The following DCLK1 variants were observed in gnomAD, a reference collection of about 807,000 sequenced individuals.
DCLK1 encodes doublecortin like kinase 1.
Under a neutral mutation model 86.2 loss-of-function variants are expected in DCLK1, and 16 were observed. The observed-to-expected ratio is 0.19, with a 90% CI of 0.13 to 0.28. The LOEUF is 0.28. Ranked by LOEUF, DCLK1 falls within the 10% of genes least tolerant of loss-of-function variation. The probability of loss-of-function intolerance (pLI) is 1.00; values close to 1 mark genes in which losing one functional copy is unlikely to be tolerated. For synonymous variants in DCLK1, 369 were observed against 370.5 expected (o/e 1.00, Z 0.05); for missense variants, 590 against 940.2 (o/e 0.63, Z 4.87).
chr13:35,826,000 G>A (rs1360611065), intron 10 of DCLK1, among the ~76,000 whole-genome samples: 3 of 151,674 alleles, frequency 2.0e-5, no homozygotes, highest in Non-Finnish European at 4.4e-5. Flanking sequence ...TTTTAGTAGA[G>A]ACGGGGTTTC....
intron 3 of DCLK1, among the ~76,000 whole-genome samples, chr13:36,027,051 C>A (rs963179296): frequency 3.3e-5 from 5 of 151,960 alleles, no homozygotes; most frequent in Non-Finnish European, 7.4e-5. Context: ...AATGATGGGG[C>A]TAATATCTAA....
intron 3 of DCLK1, among the ~76,000 whole-genome samples, chr13:36,074,275 G>A (rs1884086157): frequency 6.6e-6 from 1 of 151,696 alleles, no homozygotes; most frequent in Non-Finnish European, 1.5e-5. Context: ...GGCCGAGGCG[G>A]GCAGATCGCG....
Position 35,793,486 on chromosome 13 carries a change from A to C in DCLK1, c.1945-7T>G. The C allele has an allele frequency of 6.3e-7, 1 of 1,585,922 alleles. No homozygotes were observed. The highest frequency in any genetic ancestry group is 2.2e-5 in the East Asian group (1 of 44,580). ...TTTCTGGGAGGCCATCATCCTGGAG[A>C]AAAAGAAATAAAGAGAAGAGAAAAA... On this transcript the variant is annotated splice_polypyrimidine_tract_variant and splice_region_variant and intron_variant, in intron 15 of 16. Coordinates refer to ENST00000360631, the MANE Select transcript of DCLK1 (RefSeq NM_001330071.2).
At chr13:35,787,458 C>T (rs2086643644) in intron 16 of DCLK1, among the ~76,000 whole-genome samples, 1 of 151,950 alleles carries the variant, frequency 6.6e-6, no homozygotes, top group African/African-American at 2.4e-5. Flanking sequence ...GAAGGAAATG[C>T]CAGGGCAGTT....
chr13:36,101,203 T>C (rs115938460), intron 3 of DCLK1, among the ~76,000 whole-genome samples: 1,940 of 152,320 alleles, frequency 0.013, 35 homozygotes, highest in African/African-American at 0.045. Flanking sequence ...ACATGCACTT[T>C]GTGGCATTAA....
chr13:36,064,395 T>G (rs565518111), intron 3 of DCLK1, among the ~76,000 whole-genome samples: 3 of 152,276 alleles, frequency 2.0e-5, no homozygotes, highest in African/African-American at 7.2e-5. Context: ...GCGTGGCGGC[T>G]CATGCCTGTA....
intron 16 of DCLK1, among the ~76,000 whole-genome samples, chr13:35,785,640 T>TG (rs1245771475): frequency 6.6e-6 from 1 of 152,128 alleles, no homozygotes; most frequent in Non-Finnish European, 1.5e-5. Flanking sequence ...CCTGAGGAGA[T>TG]GGTTTTCCCA....
intron 4 of DCLK1, among the ~76,000 whole-genome samples, chr13:35,936,477 C>T (rs568257134): frequency 6.6e-6 from 1 of 152,316 alleles, no homozygotes; most frequent in Admixed American, 6.5e-5. Context: ...AGTTACTAGA[C>T]AGAAAGCAGA....
At chr13:35,963,674 G>T (rs529262738) in intron 3 of DCLK1, among the ~76,000 whole-genome samples, 5 of 152,286 alleles carry the variant, frequency 3.3e-5, no homozygotes, top group Admixed American at 3.3e-4. Context: ...GAAAGACCTT[G>T]TGGGAAATGA....
intron 15 of DCLK1, among the ~76,000 whole-genome samples, 186 bp from the exon 16 acceptor site, chr13:35,793,665 C>G (rs117067436): frequency 0.015 from 2,326 of 152,200 alleles, 35 homozygotes; most frequent in Admixed American, 0.039. Context: ...TTCATTTCCA[C>G]ATCTGCTCTA....
intron 3 of DCLK1, among the ~76,000 whole-genome samples, chr13:36,096,348 G>C (rs1885022349): frequency 6.6e-6 from 1 of 152,152 alleles, no homozygotes; most frequent in Non-Finnish European, 1.5e-5. Context: ...AAGAAGATAA[G>C]TATACACTGA....
At chr13:35,846,333 C>T (rs558472760) in intron 6 of DCLK1, 15 of 985,286 alleles carry the variant, frequency 1.5e-5, no homozygotes, top group Non-Finnish European at 1.8e-5. Flanking sequence ...ATCAACTCCT[C>T]AAAAACACAT....
At chr13:35,970,774 T>C (rs1879025109) in intron 3 of DCLK1, among the ~76,000 whole-genome samples, 5 of 152,208 alleles carry the variant, frequency 3.3e-5, no homozygotes, top group Admixed American at 3.3e-4. Flanking sequence ...CCTCGGGTAT[T>C]CTGTTATAGC....
chr13:35,859,278 A>G (rs1266141796), intron 5 of DCLK1, among the ~76,000 whole-genome samples: 2 of 152,254 alleles, frequency 1.3e-5, no homozygotes, highest in Non-Finnish European at 2.9e-5. Flanking sequence ...AGAACTCATT[A>G]GAACCGCTGC....
chr13:35,854,017 T>G (rs1315757651), intron 6 of DCLK1, among the ~76,000 whole-genome samples: 1 of 152,126 alleles, frequency 6.6e-6, no homozygotes, highest in African/African-American at 2.4e-5. Flanking sequence ...GATGAAAAGG[T>G]GCTCAATGTG....
At chr13:35,957,444 G>C (rs1878052962) in intron 3 of DCLK1, among the ~76,000 whole-genome samples, 1 of 152,142 alleles carries the variant, frequency 6.6e-6, no homozygotes, top group Admixed American at 6.5e-5. Flanking sequence ...TGAGTGCTGA[G>C]ACCTATGATG....
rs1233183282 is a variant in DCLK1, at chr13:35,772,422, A to C, written c.*2113T>G. The C allele has an allele frequency of 1.3e-5, 2 of 152,198 alleles. No homozygotes were observed. Among genetic ancestry groups the C allele is most frequent in the African/African-American group, 4.8e-5 (2 of 41,446 alleles). 9.4% of individuals were successfully genotyped at this position (152,198 alleles called of 1,614,324 possible). On this transcript the variant is annotated 3_prime_UTR_variant, in exon 17 of 17. Transcript: ENST00000360631. The stretch of plus-strand genomic sequence containing the variant: ...CCCATTGCATTCTTCACACTTTTAG[A>C]GTTGAGGCCAGGCTGTAGAGCTACT...
intron 3 of DCLK1, among the ~76,000 whole-genome samples, chr13:36,103,542 T>C: frequency 6.6e-6 from 1 of 152,256 alleles, no homozygotes; most frequent in Middle Eastern, 3.4e-3. Flanking sequence ...ATTGATTATA[T>C]ATTAATCTTA....
intron 3 of DCLK1, among the ~76,000 whole-genome samples, chr13:36,090,595 G>A (rs984525469): frequency 3.3e-5 from 5 of 152,134 alleles, no homozygotes; most frequent in Non-Finnish European, 7.3e-5. Flanking sequence ...AGGTAGGAGA[G>A]GAAAGAGACA....
Sources: allele counts gnomAD v4.1 joint callset (sites outside exome capture counted in the v4.1 genomes callset), GRCh38; gene constraint gnomAD v4.1.1; transcripts MANE v1.5; gene names NCBI Gene and HGNC (gene_info 2026-07-23, HGNC 2026-07-21).